The following EPHB1 variants were observed in gnomAD, a reference collection of about 807,000 sequenced individuals.
EPHB1 encodes the protein ephrin type-B receptor 1.
Under a neutral mutation model 94.4 loss-of-function variants are expected in EPHB1, and 30 were observed. The ratio of observed to expected loss-of-function variants is 0.32; its 90% CI spans 0.24 to 0.43. EPHB1 has a LOEUF of 0.43. Among genes scored for constraint, EPHB1 ranks in the 20% least tolerant of loss-of-function variants. The pLI is 1.00. For synonymous variants in EPHB1, 522 were observed against 489.1 expected (o/e 1.07, Z -0.89); for missense variants, 1,055 against 1,308.3 (o/e 0.81, Z 2.99).
At chr3:135,024,135 T>C (rs906590871) in intron 3 of EPHB1, among the ~76,000 whole-genome samples, 1 of 152,186 alleles carries the variant, frequency 6.6e-6, no homozygotes, top group African/African-American at 2.4e-5. Context: ...GCTATCAGCT[T>C]ACAGTCTCTA....
At chr3:135,110,356 G>A (rs531062448) in intron 4 of EPHB1, among the ~76,000 whole-genome samples, 50 of 152,236 alleles carry the variant, frequency 3.3e-4, no homozygotes, top group Admixed American at 5.2e-4. Flanking sequence ...CCCACCAGCC[G>A]ACCCCTTAGA....
At position 134,889,097 on chromosome 3, in the gene EPHB1, G is replaced by C. The variant is rs1238736307; in HGVS notation, c.59-36719G>C. ...TGCGATGGAAGCTGTTAAAGAGTTTGAGGGTGAGCAGATATGATTCACATG... is the reference window on the plus strand; with the variant it reads ...TGCGATGGAAGCTGTTAAAGAGTTTCAGGGTGAGCAGATATGATTCACATG... On this transcript the variant is annotated intron_variant, in intron 1 of 15. Transcript: ENST00000398015. Among the ~76,000 whole-genome samples the C allele has an allele frequency of 7.2e-5, 11 of 152,228 alleles. No homozygotes were observed. The East Asian group carries it at 2.1e-3, about 29-fold the overall frequency.
chr3:135,124,657 C>T lies in EPHB1; in HGVS notation c.962-8057C>T, dbSNP rs370590109. Among the ~76,000 whole-genome samples the T allele has an allele frequency of 2.0e-5, 3 of 151,898 alleles. No homozygotes were observed. In the South Asian group the frequency reaches 6.2e-4, roughly 31 times the overall value. ...CTATGCCAAAATCCAGAATTCAACT[C>T]AGTTCTGTCTGTATCTGAAGATCTG... On this transcript the variant is annotated intron_variant, in intron 4 of 15. Transcript: ENST00000398015.
intron 1 of EPHB1, among the ~76,000 whole-genome samples, chr3:134,855,415 A>G (rs888731837): frequency 6.6e-5 from 10 of 152,292 alleles, no homozygotes; most frequent in African/African-American, 2.2e-4. Context: ...AGAGAAGTTC[A>G]AAGGTGTCCA....
intron 1 of EPHB1, among the ~76,000 whole-genome samples, chr3:134,843,433 T>A (rs1449424000): frequency 1.3e-5 from 2 of 152,206 alleles, no homozygotes; most frequent in Non-Finnish European, 2.9e-5. Context: ...CTCATTAAAT[T>A]TGAACTGTTT....
intron 7 of EPHB1, 146 bp from the exon 8 acceptor site, chr3:135,165,822 G>C: frequency 1.9e-6 from 1 of 519,508 alleles, no homozygotes; most frequent in Non-Finnish European, 3.4e-6. Flanking sequence ...ATTGCTGTTT[G>C]TTTTGGTTAG....
At chr3:135,220,299 G>C (rs1943245734) in intron 12 of EPHB1, among the ~76,000 whole-genome samples, 1 of 152,136 alleles carries the variant, frequency 6.6e-6, no homozygotes, top group African/African-American at 2.4e-5. Flanking sequence ...CTAGCTGCAG[G>C]GGGAATATGC....
At chr3:134,875,067 G>T (rs1380513703) in intron 1 of EPHB1, among the ~76,000 whole-genome samples, 1 of 152,136 alleles carries the variant, frequency 6.6e-6, no homozygotes, top group African/African-American at 2.4e-5. Context: ...GCTCAGTCCT[G>T]GCATACTTAG....
At chr3:134,802,436 G>A (rs2035952906) in intron 1 of EPHB1, among the ~76,000 whole-genome samples, 1 of 152,158 alleles carries the variant, frequency 6.6e-6, no homozygotes, top group Admixed American at 6.5e-5. Context: ...CATGGGTGGG[G>A]CATGGATCCT....
chr3:135,002,283 A>C (rs560030734), intron 3 of EPHB1, among the ~76,000 whole-genome samples: 1 of 152,202 alleles, frequency 6.6e-6, no homozygotes, highest in Admixed American at 6.5e-5. Context: ...CCAGCCTTGC[A>C]TCCCAGGGAT....
chr3:134,818,682 A>G (rs2036317845), intron 1 of EPHB1, among the ~76,000 whole-genome samples: 2 of 152,172 alleles, frequency 1.3e-5, no homozygotes, highest in South Asian at 4.1e-4. Flanking sequence ...ATCACTGCAA[A>G]TGCCGTTAAT....
intron 13 of EPHB1, among the ~76,000 whole-genome samples, chr3:135,242,543 A>G (rs959916394): frequency 1.3e-5 from 2 of 152,144 alleles, no homozygotes; most frequent in Admixed American, 6.5e-5. Context: ...CCCTGTTGCT[A>G]TGGGCAGAGT....
intron 3 of EPHB1, among the ~76,000 whole-genome samples, chr3:134,968,424 C>T (rs115114546): frequency 1.8e-3 from 270 of 152,140 alleles, no homozygotes; most frequent in Non-Finnish European, 2.8e-3. Context: ...CTGGTTCATA[C>T]GTATATAAAA....
intron 11 of EPHB1, among the ~76,000 whole-genome samples, chr3:135,197,388 T>C (rs1302154242): frequency 2.0e-5 from 3 of 152,260 alleles, no homozygotes; most frequent in East Asian, 3.9e-4. Context: ...GAACACCAGA[T>C]TGGAAGTCCT....
At chr3:135,052,905 ATATATGTG>A (rs1233297554) in intron 3 of EPHB1, among the ~76,000 whole-genome samples, 2 of 101,158 alleles carry the variant, frequency 2.0e-5, no homozygotes, top group East Asian at 2.6e-4. Flanking sequence ...ATATATATAT[ATATATGTG>A]TGTGTGTGTG....
At chr3:135,080,654 T>C (rs1365180193) in intron 3 of EPHB1, among the ~76,000 whole-genome samples, 1 of 152,094 alleles carries the variant, frequency 6.6e-6, no homozygotes, top group Non-Finnish European at 1.5e-5. Context: ...ATTTGAGTGC[T>C]GTTGAGAATG....
chr3:135,118,257 C>T (rs1939794463), intron 4 of EPHB1, among the ~76,000 whole-genome samples: 2 of 152,172 alleles, frequency 1.3e-5, no homozygotes, highest in South Asian at 4.1e-4. Flanking sequence ...TACACCATTA[C>T]CATGCTGTGT....
At chr3:135,026,300 C>T in intron 3 of EPHB1, among the ~76,000 whole-genome samples, 5 of 129,456 alleles carry the variant, frequency 3.9e-5, no homozygotes, top group East Asian at 5.7e-4. Context: ...TGCCTATGTC[C>T]TGAATGGTAA....
Position 135,192,772 on chromosome 3 carries a change from C to T in EPHB1, c.2079C>T (p.Val693=). The change falls in exon 11 of 16, where the codon GTC becomes GTT. Residue 693 remains valine (V), a synonymous_variant. Transcript: ENST00000398015. ...LEGVVTKSRP[V]MIITEFMENG... ...GTGTGGTCACCAAGAGTCGGCCTGT[C>T]ATGATCATCACAGAGTTCATGGAGA... 1 of 1,614,162 alleles carries T rather than the reference C, an allele frequency of 6.2e-7. No homozygotes were observed. Among genetic ancestry groups the T allele is most frequent in the Non-Finnish European group, 8.5e-7 (1 of 1,180,018 alleles).
Sources: gnomAD v4.1 joint callset for allele counts (sites outside exome capture counted in the v4.1 genomes callset) on GRCh38, gnomAD v4.1.1 for gene constraint, MANE v1.5 for transcripts, NCBI Gene and HGNC (gene_info 2026-07-23, HGNC 2026-07-21) for gene names.